GRID2: variants seen among roughly 807,000 people sequenced by gnomAD.
GRID2 encodes the protein glutamate ionotropic receptor delta type subunit 2.
In GRID2, 33 loss-of-function variants were observed where a neutral mutation model predicts 114.8. That is an observed-to-expected ratio of 0.29 (90% confidence interval 0.22 to 0.38). The LOEUF (loss-of-function observed/expected upper bound fraction) is 0.38, where lower values mean the gene tolerates loss of function less well. Among genes scored for constraint, GRID2 ranks in the 10% least tolerant of loss-of-function variants. The pLI, the probability that GRID2 is intolerant of heterozygous loss-of-function variation, is 1.00. For synonymous variants in GRID2, 505 were observed against 449.9 expected (o/e 1.12, Z -1.55); for missense variants, 1,184 against 1,257.7 (o/e 0.94, Z 0.89).
chr4:92,938,110 T>C (rs570908948), intron 2 of GRID2, among the ~76,000 whole-genome samples: 2 of 147,120 alleles, frequency 1.4e-5, no homozygotes, highest in African/African-American at 4.8e-5. Context: ...AATTTCTGTT[T>C]ATTTCTCTTT....
At chr4:93,809,755 A>ATT (rs1449685596) in exon 2 of GRID2, 1 of 152,256 alleles carries the variant, frequency 6.6e-6, no homozygotes, top group African/African-American at 2.4e-5. Flanking sequence ...ACACCAATTC[A>ATT]GTGAACTAAG....
At chr4:92,567,007 T>A (rs554457185) in intron 1 of GRID2, among the ~76,000 whole-genome samples, 1 of 152,206 alleles carries the variant, frequency 6.6e-6, no homozygotes, top group South Asian at 2.1e-4. Flanking sequence ...AGAGGTTTTA[T>A]TCAGTTAGTA....
intron 2 of GRID2, among the ~76,000 whole-genome samples, chr4:92,596,607 T>G (rs1440620119): frequency 6.6e-6 from 1 of 152,020 alleles, no homozygotes; most frequent in African/African-American, 2.4e-5. Flanking sequence ...AGAATCTATC[T>G]TATGTGTGAT....
At chr4:92,763,188 A>G (rs1042980178) in intron 2 of GRID2, among the ~76,000 whole-genome samples, 21 of 152,134 alleles carry the variant, frequency 1.4e-4, no homozygotes, top group African/African-American at 4.6e-4. Context: ...AAGATCTTTT[A>G]TTTCTGTGTT....
intron 2 of GRID2, among the ~76,000 whole-genome samples, chr4:92,705,719 T>C (rs913260534): frequency 6.6e-6 from 1 of 152,228 alleles, no homozygotes; most frequent in Admixed American, 6.5e-5. Flanking sequence ...ATCAGCTTAT[T>C]TCTACCCAGC....
chr4:93,472,080 T>C (rs1235810972), intron 11 of GRID2, among the ~76,000 whole-genome samples: 1 of 151,504 alleles, frequency 6.6e-6, no homozygotes, highest in Non-Finnish European at 1.5e-5. Flanking sequence ...ATCCCAGCAC[T>C]TTGGGAGACT....
At chr4:93,141,610 C>G (rs977610074) in intron 4 of GRID2, among the ~76,000 whole-genome samples, 2 of 152,060 alleles carry the variant, frequency 1.3e-5, no homozygotes, top group African/African-American at 4.8e-5. Flanking sequence ...AAATTTATAA[C>G]CACTACAGAG....
At chr4:93,676,176 A>T (rs577818896) in intron 14 of GRID2, among the ~76,000 whole-genome samples, 1 of 152,382 alleles carries the variant, frequency 6.6e-6, no homozygotes, top group South Asian at 2.1e-4. Flanking sequence ...GCATGAAAAT[A>T]GTTCTTGAAG....
chr4:93,039,714 T>G (rs1725306076), intron 2 of GRID2, among the ~76,000 whole-genome samples: 1 of 152,126 alleles, frequency 6.6e-6, no homozygotes, highest in Non-Finnish European at 1.5e-5. Flanking sequence ...CTGAGTTCAA[T>G]GCAGTCTACA....
Position 92,806,166 on chromosome 4 carries a change from GACACACACACACACACAC to G in GRID2, c.244+215909_244+215926del, listed in dbSNP as rs56070810. ...CAAATCTATTAGAAAATAGGCTATC[GACACACACACACACACAC>G]ACACACACACACACACACACACACA... On this transcript the variant is annotated intron_variant, in intron 2 of 15. Coordinates refer to ENST00000282020, the MANE Select transcript of GRID2 (RefSeq NM_001510.4). Among the ~76,000 whole-genome samples the G allele has an allele frequency of 3.8e-4, 50 of 133,332 alleles. No homozygotes were observed. In the South Asian group the frequency reaches 4.7e-3, roughly 12 times the overall value. The allele number at this position is 133,332 out of a possible 152,430, so 87.5% of individuals were successfully genotyped here.
chr4:92,881,155 G>T (rs979473354), intron 2 of GRID2, among the ~76,000 whole-genome samples: 2 of 152,000 alleles, frequency 1.3e-5, no homozygotes, highest in Admixed American at 6.6e-5. Flanking sequence ...CGCCCACATC[G>T]GCCTCCCACA....
At chr4:93,463,760 T>C (rs7694446) in intron 11 of GRID2, among the ~76,000 whole-genome samples, 12,664 of 151,756 alleles carry the variant, frequency 0.083, 704 homozygotes, top group African/African-American at 0.16. Flanking sequence ...GAGGCCAAGG[T>C]GGGTGGATCA....
At chr4:93,321,305 G>C (rs1373544754) in intron 8 of GRID2, among the ~76,000 whole-genome samples, 1 of 151,892 alleles carries the variant, frequency 6.6e-6, no homozygotes, top group Non-Finnish European at 1.5e-5. Flanking sequence ...GCTTTTAAAT[G>C]TATTTCCCTA....
chr4:92,706,272 ATCAGGGTT>A (rs1734953475), intron 2 of GRID2, among the ~76,000 whole-genome samples: 1 of 152,212 alleles, frequency 6.6e-6, no homozygotes, highest in African/African-American at 2.4e-5. Flanking sequence ...AGTTGTAAAT[ATCAGGGTT>A]ATTCTAAAAA....
intron 4 of GRID2, among the ~76,000 whole-genome samples, chr4:93,157,393 T>C (rs1737286903): frequency 6.6e-6 from 1 of 151,784 alleles, no homozygotes; most frequent in Admixed American, 6.6e-5. Flanking sequence ...AATAAAAATA[T>C]CTAAGTTTTA....
intron 2 of GRID2, among the ~76,000 whole-genome samples, chr4:92,684,732 A>G (rs1195792311): frequency 6.6e-6 from 1 of 152,076 alleles, no homozygotes; most frequent in African/African-American, 2.4e-5. Context: ...AAGCAGTTTT[A>G]TCTACTCTAA....
chr4:93,314,750 C>CAT (rs907450412), intron 8 of GRID2, among the ~76,000 whole-genome samples: 3 of 151,990 alleles, frequency 2.0e-5, no homozygotes, highest in African/African-American at 7.3e-5. Context: ...TTCACACACA[C>CAT]ACACACACAC....
intron 11 of GRID2, among the ~76,000 whole-genome samples, chr4:93,477,846 G>T (rs1580195199): frequency 6.6e-6 from 1 of 152,058 alleles, no homozygotes; most frequent in Admixed American, 6.6e-5. Flanking sequence ...TACAGAAAGG[G>T]TTTCTAAATG....
At chr4:92,910,054 T>C (rs781605514) in intron 2 of GRID2, among the ~76,000 whole-genome samples, 24 of 151,928 alleles carry the variant, frequency 1.6e-4, no homozygotes, top group Admixed American at 7.2e-4. Flanking sequence ...TTTCCAGGCT[T>C]GGTGGTATGA....
Sources: allele counts gnomAD v4.1 joint callset (sites outside exome capture counted in the v4.1 genomes callset), GRCh38; gene constraint gnomAD v4.1.1; transcripts MANE v1.5; gene names NCBI Gene and HGNC (gene_info 2026-07-23, HGNC 2026-07-21).